The following DMD variants were observed in gnomAD, a reference collection of about 807,000 sequenced individuals.
DMD encodes dystrophin, also known as mutant dystrophin.
A neutral mutation model predicts 330.1 loss-of-function variants in DMD; 63 were observed. That is an observed-to-expected ratio of 0.19 (90% CI 0.16 to 0.24). DMD has a LOEUF of 0.24. Ranked by LOEUF, DMD falls within the 10% of genes least tolerant of loss-of-function variation. The probability of loss-of-function intolerance (pLI) is 1.00; values close to 1 mark genes in which losing one functional copy is unlikely to be tolerated. For synonymous variants in DMD, 1,223 were observed against 959.8 expected (o/e 1.27, Z -5.07); for missense variants, 3,344 against 2,684.1 (o/e 1.25, Z -5.43).
chrX:32,531,914 A>G (rs896176302), intron 17 of DMD, among the ~76,000 whole-genome samples: 2 of 111,705 alleles, frequency 1.8e-5, no homozygotes, highest in Non-Finnish European at 3.8e-5. Flanking sequence ...TCATTAAAAT[A>G]TGATCCTTAG....
At chrX:32,687,722 C>G (rs987624412) in intron 9 of DMD, among the ~76,000 whole-genome samples, 6 of 111,548 alleles carry the variant, frequency 5.4e-5, no homozygotes, top group Non-Finnish European at 7.5e-5. Context: ...CTGAACCCAT[C>G]TGAGACCCAG....
intron 55 of DMD, among the ~76,000 whole-genome samples, chrX:31,561,925 A>T (rs1017163393): frequency 6.2e-5 from 7 of 112,289 alleles, no homozygotes; most frequent in Admixed American, 1.9e-4. Flanking sequence ...TTTTTGTGAA[A>T]CTTGATACAT....
At position 32,411,913 on chromosome X, in the gene DMD, C is replaced by T; in HGVS notation, c.4072G>A (p.Ala1358Thr). 1 of 1,209,840 alleles carries T rather than the reference C, an allele frequency of 8.3e-7. No homozygotes were observed. Among genetic ancestry groups the T allele is most frequent in the Non-Finnish European group, 1.1e-6 (1 of 894,477 alleles). Residue 1358 changes from alanine (A) to threonine (T), a missense_variant and splice_region_variant, in exon 30 of 79, where the codon GCT becomes ACT. Coordinates refer to ENST00000357033, the MANE Select transcript of DMD (RefSeq NM_004006.3). The part of the protein sequence containing the change: ...NSRWRELHEE[A>T]VRRQKLLEQS... ...TCAAGCAACTTTTGCCTCCTTACAG[C>T]CTAAAAAGAAGGAATAAGAGTGTAT...
At chrX:32,799,166 TG>T (rs1022112143) in intron 7 of DMD, among the ~76,000 whole-genome samples, 1 of 111,244 alleles carries the variant, frequency 9.0e-6, no homozygotes, top group African/African-American at 3.3e-5. Flanking sequence ...AGCTAATTCT[TG>T]GAAAAGAAGG....
chrX:31,587,466 A>G (rs1040137341), intron 55 of DMD, among the ~76,000 whole-genome samples: 3 of 112,562 alleles, frequency 2.7e-5, no homozygotes, highest in African/African-American at 3.2e-5. Flanking sequence ...CAATTTAAAC[A>G]AGATAATTAA....
At chrX:32,232,003 A>ATTTGTGTGTGT (rs2097170836) in intron 43 of DMD, among the ~76,000 whole-genome samples, 1 of 111,747 alleles carries the variant, frequency 8.9e-6, no homozygotes, top group African/African-American at 3.2e-5. Flanking sequence ...ATATAGTATT[A>ATTTGTGTGTGT]TTGAAAAAGG....
intron 44 of DMD, among the ~76,000 whole-genome samples, chrX:32,001,401 T>G (rs987379797): frequency 1.8e-4 from 20 of 110,666 alleles, no homozygotes; most frequent in African/African-American, 5.3e-4. Context: ...TAAAAATATT[T>G]AGAAATGTAG....
chrX:32,257,179 T>TG (rs1243537850), intron 43 of DMD, among the ~76,000 whole-genome samples: 4 of 111,692 alleles, frequency 3.6e-5, no homozygotes, highest in African/African-American at 1.3e-4. Context: ...CGCAAACAAA[T>TG]GGAAAAAACA....
In DMD at chrX:31,932,224, T is replaced by C; in HGVS notation, c.6618A>G (p.Leu2206=). The part of the protein sequence containing the change: ...CKQLSDRKKR[L]EEQKNILSEF... ...CTGACAAGATATTCTTTTGTTCTTC[T>C]AGCCTGGAGAAAGAAGAATAAAATT... The change falls in exon 46 of 79, where the codon CTA becomes CTG. Residue 2206 remains leucine (L), a synonymous_variant. Transcript: ENST00000357033. 8.5e-7 allele frequency: 1 copy of C among 1,178,757 alleles called. No homozygotes were observed. Among genetic ancestry groups the C allele is most frequent in the South Asian group, 1.8e-5 (1 of 55,488 alleles).
At chrX:32,611,736 C>T (rs1055901014) in intron 12 of DMD, among the ~76,000 whole-genome samples, 3 of 111,669 alleles carry the variant, frequency 2.7e-5, no homozygotes, top group African/African-American at 9.7e-5. Context: ...CCCTGGATTT[C>T]GCTTTACACT....
At chrX:32,577,210 C>T (rs764883399) in intron 13 of DMD, among the ~76,000 whole-genome samples, 7 of 111,755 alleles carry the variant, frequency 6.3e-5, no homozygotes, top group Non-Finnish European at 1.1e-4. Context: ...GGAGAGACCA[C>T]GTGAGGATAC....
chrX:31,707,215 T>TA (rs953751877), intron 52 of DMD, among the ~76,000 whole-genome samples: 4 of 110,793 alleles, frequency 3.6e-5, no homozygotes, highest in Non-Finnish European at 5.7e-5. Context: ...CTTTGAACAT[T>TA]AAAAAAACCA....
rs146886494 is a variant in DMD, at chrX:31,473,973, C to T, written c.8937+4133G>A. ...TTTCAGTAAAGTGAAAAGTCATGATCTTGCCCTTAAAATATTTGATAAGCA... is the reference window on the plus strand; with the variant it reads ...TTTCAGTAAAGTGAAAAGTCATGATTTTGCCCTTAAAATATTTGATAAGCA... On this transcript the variant is annotated intron_variant, in intron 59 of 78. Coordinates refer to ENST00000357033, the MANE Select transcript of DMD (RefSeq NM_004006.3). 3.7e-3 allele frequency among the ~76,000 whole-genome samples: 409 copies of T among 111,782 alleles called. 3 individuals carry two copies. The highest frequency in any genetic ancestry group is 0.013 in the African/African-American group (394 of 30,751).
intron 76 of DMD, among the ~76,000 whole-genome samples, chrX:31,138,086 A>C (rs1483041817): frequency 9.0e-6 from 1 of 111,692 alleles, no homozygotes; most frequent in East Asian, 2.8e-4. Context: ...AATGGAATGT[A>C]AGCGGGCATG....
chrX:32,816,234 A>C (rs1365088024), intron 6 of DMD, among the ~76,000 whole-genome samples: 2 of 111,584 alleles, frequency 1.8e-5, no homozygotes, highest in Non-Finnish European at 3.8e-5. Flanking sequence ...CACTATAACC[A>C]CTTTCACGCT....
At chrX:32,948,324 C>T (rs1479159033) in intron 2 of DMD, among the ~76,000 whole-genome samples, 1 of 111,591 alleles carries the variant, frequency 9.0e-6, no homozygotes, top group Non-Finnish European at 1.9e-5. Context: ...TCTCTGGATG[C>T]CATGTAAGCT....
intron 2 of DMD, among the ~76,000 whole-genome samples, chrX:32,972,184 T>C (rs1602322434): frequency 9.0e-6 from 1 of 111,153 alleles, no homozygotes; most frequent in African/African-American, 3.3e-5. Context: ...TATAATTTTT[T>C]TGGTTTTTTT....
intron 53 of DMD, among the ~76,000 whole-genome samples, chrX:31,667,178 AC>A (rs1479298431): frequency 3.6e-5 from 4 of 111,705 alleles, no homozygotes; most frequent in Non-Finnish European, 7.5e-5. Flanking sequence ...ATGTATTGAT[AC>A]AATTTGGGGT....
rs182952819 is a variant in DMD, at chrX:31,609,269, G to A, written c.8217+18404C>T. On this transcript the variant is annotated intron_variant, in intron 55 of 78. Coordinates refer to ENST00000357033, the MANE Select transcript of DMD (RefSeq NM_004006.3). Reference sequence around the variant, plus strand: ...GAGCAGAGCATGCCATCTGAGTCACGAGTCTTGTCTTACTCAACTCTGGAG... The same window carrying A: ...GAGCAGAGCATGCCATCTGAGTCACAAGTCTTGTCTTACTCAACTCTGGAG... 9.7e-4 allele frequency among the ~76,000 whole-genome samples: 108 copies of A among 111,685 alleles called. 1 individual carries two copies. The highest frequency in any genetic ancestry group is 3.2e-3 in the African/African-American group (100 of 30,797).
Sources: allele counts gnomAD v4.1 joint callset (sites outside exome capture counted in the v4.1 genomes callset), GRCh38; gene constraint gnomAD v4.1.1; transcripts MANE v1.5; gene names NCBI Gene and HGNC (gene_info 2026-07-23, HGNC 2026-07-21).